The following MRTFA variants were observed in gnomAD, a reference collection of about 807,000 sequenced individuals.
The protein encoded by MRTFA is myocardin-related transcription factor A.
Under a neutral mutation model 83.5 loss-of-function variants are expected in MRTFA, and 20 were observed. The observed-to-expected ratio is 0.24, with a 90% confidence interval of 0.17 to 0.35. MRTFA has a LOEUF of 0.35. Ranked by LOEUF, MRTFA falls within the 10% of genes least tolerant of loss-of-function variation. The probability of loss-of-function intolerance (pLI) is 1.00; values close to 1 mark genes in which losing one functional copy is unlikely to be tolerated. For missense variants in MRTFA, 1,200 were observed against 1,224.7 expected, an observed-to-expected ratio of 0.98 and a Z score of 0.30; for synonymous variants, 659 against 541.2, an observed-to-expected ratio of 1.22 and a Z score of -3.02.
Position 40,424,186 on chromosome 22 carries a change from A to C in MRTFA, c.777+20T>G. ...CCTAGCACCTTGGAGCTGGGGAAGC[A>C]TCTGGAAGCACACACTCACCTGGGT... On this transcript the variant is annotated intron_variant, in intron 8 of 14. Transcript: ENST00000355630. 1 of 1,578,414 alleles carries C rather than the reference A, an allele frequency of 6.3e-7. No homozygotes were observed. Among genetic ancestry groups the C allele is most frequent in the African/African-American group, 1.4e-5 (1 of 73,004 alleles).
chr22:40,484,712 T>C (rs920326030), intron 3 of MRTFA, among the ~76,000 whole-genome samples: 7 of 152,144 alleles, frequency 4.6e-5, no homozygotes, highest in African/African-American at 1.7e-4. Context: ...ATATTTCCTA[T>C]TACAGAATTC....
intron 2 of MRTFA, among the ~76,000 whole-genome samples, chr22:40,588,710 A>T (rs898638295): frequency 1.1e-4 from 16 of 152,202 alleles, no homozygotes; most frequent in African/African-American, 3.9e-4. Context: ...GGCCAGATGT[A>T]TTGGCTCACA....
chr22:40,590,863 G>A (rs917607896), intron 2 of MRTFA, among the ~76,000 whole-genome samples: 1 of 151,960 alleles, frequency 6.6e-6, no homozygotes, highest in Non-Finnish European at 1.5e-5. Flanking sequence ...GCTGGGCACG[G>A]TGGCTCACAG....
intron 9 of MRTFA, among the ~76,000 whole-genome samples, chr22:40,422,010 C>G (rs1352792518): frequency 6.6e-6 from 1 of 152,060 alleles, no homozygotes; most frequent in Admixed American, 6.6e-5. Context: ...TTGCTGGGAG[C>G]ATGGGAAGGA....
In MRTFA at chr22:40,423,546, G is replaced by A. The variant is rs2052887968; in HGVS notation, c.917C>T (p.Thr306Ile). Residue 306 changes from threonine to isoleucine, a missense_variant, in exon 9 of 15, where the codon ACA (threonine) becomes ATA (isoleucine). Physicochemically the swap from Thr to Ile is moderately conservative, Grantham distance 89. This residue lies in a region of MRTFA where 1,107 missense variants were observed against 1,041.8 expected (regional missense o/e 1.06). Coordinates refer to ENST00000355630, the MANE Select transcript of MRTFA (RefSeq NM_020831.6). The stretch of plus-strand genomic sequence containing the variant: ...CTGGCAGAAATGTACCTTAATGAGT[G>A]TGGGGGTGGACTTGGCAGTGGGGAT... 2 of 1,558,934 alleles carry A rather than the reference G, an allele frequency of 1.3e-6. No individual in the cohort carries two copies. The highest frequency in any genetic ancestry group is 1.7e-6 in the Non-Finnish European group (2 of 1,149,940).
At chr22:40,615,684 TTC>T (rs1287604321) in intron 1 of MRTFA, among the ~76,000 whole-genome samples, 1 of 138,522 alleles carries the variant, frequency 7.2e-6, no homozygotes, top group Non-Finnish European at 1.6e-5. Context: ...ATATTTTCTT[TTC>T]TTTTTTTTTT....
At chr22:40,494,848 G>C (rs982726671) in intron 3 of MRTFA, among the ~76,000 whole-genome samples, 18 of 152,136 alleles carry the variant, frequency 1.2e-4, no homozygotes, top group Admixed American at 1.2e-3. Flanking sequence ...GCAGAAATCA[G>C]ATCAGTGATT....
intron 3 of MRTFA, among the ~76,000 whole-genome samples, chr22:40,469,267 C>T (rs977713133): frequency 6.6e-6 from 1 of 152,170 alleles, no homozygotes; most frequent in Non-Finnish European, 1.5e-5. Flanking sequence ...GTGTCTGGGT[C>T]ATGGCGGCAG....
chr22:40,480,053 C>T (rs1212126708), intron 3 of MRTFA, among the ~76,000 whole-genome samples: 1 of 152,126 alleles, frequency 6.6e-6, no homozygotes, highest in Admixed American at 6.5e-5. Flanking sequence ...TGTAAACATG[C>T]ATGCATCATC....
chr22:40,522,844 G>A (rs2147261764), intron 3 of MRTFA: 1 of 152,258 alleles, frequency 6.6e-6, no homozygotes, highest in East Asian at 1.9e-4. Context: ...GTTCGGGATG[G>A]TTTCAACCAA....
At chr22:40,499,914 C>CTTTTTTTTTT (rs72041822) in intron 3 of MRTFA, among the ~76,000 whole-genome samples, 1 of 84,956 alleles carries the variant, frequency 1.2e-5, no homozygotes, top group African/African-American at 4.5e-5. Context: ...TCAAGTAGAC[C>CTTTTTTTTTT]TTTTTTTTTT....
rs559479454 is a variant in MRTFA, at chr22:40,506,785, TAAGG to T, written c.242-43503_242-43500del. ...CCCATTTATCACCATTTTCACTGTT[TAAGG>T]AGAGTTTAAAAATATAGTAGCATAA... On this transcript the variant is annotated intron_variant, in intron 3 of 14. Transcript: ENST00000355630. Among the ~76,000 whole-genome samples the T allele has an allele frequency of 3.3e-5, 5 of 152,304 alleles. No individual in the cohort carries two copies. In the South Asian group the frequency reaches 1.0e-3, roughly 32 times the overall value.
intron 2 of MRTFA, among the ~76,000 whole-genome samples, chr22:40,553,659 A>G (rs2055477193): frequency 6.6e-6 from 1 of 152,178 alleles, no homozygotes; most frequent in Non-Finnish European, 1.5e-5. Flanking sequence ...CTACAGGGGT[A>G]CAGCTCTCAT....
At chr22:40,471,525 A>C (rs767270762) in intron 3 of MRTFA, among the ~76,000 whole-genome samples, 34 of 152,258 alleles carry the variant, frequency 2.2e-4, no homozygotes, top group Admixed American at 6.5e-4. Context: ...CTGAAATAGT[A>C]ATCTTCCCAC....
intron 2 of MRTFA, chr22:40,587,246 G>A: frequency 2.1e-6 from 1 of 483,770 alleles, no homozygotes. Context: ...CTTCTAGAAA[G>A]CACTTTCAGT....
chr22:40,489,971 C>CCAAAA (rs71328711), intron 3 of MRTFA, among the ~76,000 whole-genome samples: 6 of 105,882 alleles, frequency 5.7e-5, no homozygotes, highest in Non-Finnish European at 1.1e-4. Flanking sequence ...GACTCTGTCG[C>CCAAAA]AAAAAAAAAA....
chr22:40,537,910 C>G (rs2055212719), intron 3 of MRTFA, among the ~76,000 whole-genome samples: 1 of 19,088 alleles, frequency 5.2e-5, no homozygotes, highest in Admixed American at 3.9e-4. Context: ...AGGAGCCCCT[C>G]TGCCCGGCCA....
chr22:40,589,306 G>A (rs2056082384), intron 2 of MRTFA, among the ~76,000 whole-genome samples: 2 of 152,176 alleles, frequency 1.3e-5, no homozygotes, highest in African/African-American at 4.8e-5. Context: ...TGTGACAAGT[G>A]TTATCAGACT....
intron 6 of MRTFA, among the ~76,000 whole-genome samples, chr22:40,430,836 G>A (rs1033128287): frequency 3.1e-5 from 4 of 130,278 alleles, no homozygotes; most frequent in Admixed American, 1.8e-4. Context: ...ACTCCAGCCT[G>A]AGCAGCAGAG....
Sources: allele counts gnomAD v4.1 joint callset (sites outside exome capture counted in the v4.1 genomes callset), GRCh38; gene constraint gnomAD v4.1.1; regional missense constraint gnomAD v4.1.1; transcripts MANE v1.5; gene names NCBI Gene and HGNC (gene_info 2026-07-23, HGNC 2026-07-21).